The following SPG11 variants were observed in gnomAD, a reference collection of about 807,000 sequenced individuals.
SPG11 encodes SPG11 vesicle trafficking associated, spatacsin, also known as spatacsin.
SPG11 carries 222 observed loss-of-function variants against 274.0 expected under a neutral mutation model. The ratio of observed to expected loss-of-function variants is 0.81; its 90% CI spans 0.73 to 0.91. The LOEUF (loss-of-function observed/expected upper bound fraction) is 0.91. Ranked by LOEUF, SPG11 falls within the 40% of genes least tolerant of loss-of-function variation. The pLI is 0.00. For missense variants in SPG11, 3,114 were observed against 2,872.7 expected (o/e 1.08, Z -1.92); for synonymous variants, 1,144 against 1,039.7 (o/e 1.10, Z -1.93).
At chr15:44,566,603 T>C (rs2082313832) in intron 36 of SPG11, among the ~76,000 whole-genome samples, 1 of 152,162 alleles carries the variant, frequency 6.6e-6, no homozygotes, top group African/African-American at 2.4e-5. Flanking sequence ...ATATATAGGC[T>C]ATAGATCCAA....
At chr15:44,623,038 C>G (rs917447249) in intron 11 of SPG11, among the ~76,000 whole-genome samples, 1 of 152,090 alleles carries the variant, frequency 6.6e-6, no homozygotes, top group African/African-American at 2.4e-5. Flanking sequence ...AGCCTCGACC[C>G]CCAGGCTCAA....
intron 28 of SPG11, 133 bp from the exon 29 acceptor site, chr15:44,585,983 GTTTTTTTT>G (rs71111868): frequency 2.4e-5 from 8 of 337,768 alleles, no homozygotes; most frequent in Admixed American, 4.6e-5. Flanking sequence ...ATAAAAAGCT[GTTTTTTTT>G]TTTTTTTTTT....
At chr15:44,571,344 T>C (rs980603718) in intron 33 of SPG11, among the ~76,000 whole-genome samples, 3 of 152,282 alleles carry the variant, frequency 2.0e-5, no homozygotes, top group African/African-American at 7.2e-5. Context: ...TGGCTCTTAC[T>C]GTGTATTAAG....
chr15:44,575,252 A>G, intron 30 of SPG11: 1 of 576,208 alleles, frequency 1.7e-6, no homozygotes, highest in Non-Finnish European at 3.1e-6. Flanking sequence ...CAAAGACCTC[A>G]TATGCTACAA....
In SPG11 at chr15:44,608,611, T is replaced by TA. The variant is rs753333408; in HGVS notation, c.3292-7dup. The TA allele has an allele frequency of 2.5e-6, 4 of 1,613,276 alleles. No homozygotes were observed. The highest frequency in any genetic ancestry group is 3.4e-6 in the Non-Finnish European group (4 of 1,179,674). ...TTTTCTTCATTCTGAACAACCTAAG[T>TA]AAAAAAACAGATAACAGGTTGGACA... On this transcript the variant is annotated splice_polypyrimidine_tract_variant and splice_region_variant and intron_variant, in intron 18 of 39. Transcript: ENST00000261866.
At position 44,659,369 on chromosome 15, in the gene SPG11, T is replaced by C. The variant is rs2085037022; in HGVS notation, c.443-66A>G. 5.8e-6 allele frequency: 8 copies of C among 1,382,660 alleles called. No homozygotes were observed. In the East Asian group the frequency reaches 9.2e-5, roughly 16 times the overall value. 85.6% of individuals were successfully genotyped at this position (1,382,660 alleles called of 1,614,324 possible). On this transcript the variant is annotated intron_variant, in intron 2 of 39. Coordinates refer to ENST00000261866, the MANE Select transcript of SPG11 (RefSeq NM_025137.4). Reference sequence around the variant, plus strand: ...AATTTTACAACTGGTACATTTGATTTGATAAACCTAATACAAAAAAGTAAA... The same window carrying C: ...AATTTTACAACTGGTACATTTGATTCGATAAACCTAATACAAAAAAGTAAA...
chr15:44,604,883 G>A (rs756760699), intron 20 of SPG11, among the ~76,000 whole-genome samples: 14 of 123,420 alleles, frequency 1.1e-4, no homozygotes, highest in African/African-American at 2.5e-4. Flanking sequence ...AGCCGAGATC[G>A]AGATCGTGCC....
intron 27 of SPG11, 136 bp downstream of exon 27, chr15:44,592,195 G>C: frequency 4.4e-6 from 3 of 687,986 alleles, no homozygotes; most frequent in Non-Finnish European, 8.0e-6. Context: ...GGAGTTCAAG[G>C]CTGTAGTGAG....
intron 36 of SPG11, among the ~76,000 whole-genome samples, chr15:44,567,167 T>A (rs1218066157): frequency 6.6e-6 from 1 of 151,728 alleles, no homozygotes; most frequent in Non-Finnish European, 1.5e-5. Flanking sequence ...CTGGCCAACA[T>A]AGTCAAACCC....
At chr15:44,624,861 A>C (rs2083853440) in intron 11 of SPG11, among the ~76,000 whole-genome samples, 1 of 152,114 alleles carries the variant, frequency 6.6e-6, no homozygotes, top group Non-Finnish European at 1.5e-5. Flanking sequence ...CAGGCCAGGC[A>C]CGGTGGCTCA....
Position 44,662,913 on chromosome 15 carries a change from G to A in SPG11, c.257+478C>T, listed in dbSNP as rs114788942. 4.3e-3 allele frequency among the ~76,000 whole-genome samples: 652 copies of A among 152,294 alleles called. 5 individuals are homozygous for A. Among genetic ancestry groups the A allele is most frequent in the African/African-American group, 0.015 (632 of 41,560 alleles). On this transcript the variant is annotated intron_variant, in intron 1 of 39. Coordinates refer to ENST00000261866, the MANE Select transcript of SPG11 (RefSeq NM_025137.4). ...TAAATGAAGGGACAAACTGGACTCT[G>A]TCCTTGAAGAAGAGGACTACATGTG...
In SPG11 at chr15:44,660,572, T is replaced by A. The variant is rs775361528; in HGVS notation, c.302A>T (p.Lys101Met). The A allele has an allele frequency of 8.1e-6, 13 of 1,614,084 alleles. No individual in the cohort carries two copies. The East Asian group carries it at 2.7e-4, about 33-fold the overall frequency. Reference protein sequence around the residue: ...DSRNSSTPTEKPKLLALGENY... With the variant: ...DSRNSSTPTEMPKLLALGENY... ...TTCACCAAGAGCGAGCAGTTTGGGC[T>A]TTTCAGTTGGTGTGCTGCTGTTACG... The change falls in exon 2 of 40, where the codon AAG (lysine) becomes ATG (methionine). Residue 101 changes from lysine to methionine, a missense_variant. By Grantham distance (95) the Lys-to-Met change is moderately conservative (BLOSUM62 -1). Coordinates refer to ENST00000261866, the MANE Select transcript of SPG11 (RefSeq NM_025137.4).
intron 20 of SPG11, among the ~76,000 whole-genome samples, chr15:44,602,182 T>C (rs2083209465): frequency 6.6e-6 from 1 of 152,208 alleles, no homozygotes; most frequent in East Asian, 1.9e-4. Context: ...ACTTCACTTC[T>C]TTCTTTCTGA....
rs1357287118 is a variant in SPG11, at chr15:44,563,098, A to AGTTTT, written c.*22_*23insAAAAC. ...TGTCAGAATCTGCTAACAGTACAAG[A>AGTTTT]AAACAGACACCTATGAAATCATCTA... On this transcript the variant is annotated 3_prime_UTR_variant, in exon 40 of 40. Coordinates refer to ENST00000261866, the MANE Select transcript of SPG11 (RefSeq NM_025137.4). 2 of 1,612,362 alleles carry AGTTTT rather than the reference A, an allele frequency of 1.2e-6. No individual in the cohort carries two copies. The highest frequency in any genetic ancestry group is 2.7e-5 in the African/African-American group (2 of 74,910).
chr15:44,656,389 A>G (rs2084940293), intron 4 of SPG11, among the ~76,000 whole-genome samples: 1 of 152,266 alleles, frequency 6.6e-6, no homozygotes, highest in South Asian at 2.1e-4. Context: ...ATCACAGGGC[A>G]GGAGCAAGAG....
intron 27 of SPG11, among the ~76,000 whole-genome samples, chr15:44,591,850 C>T (rs1377012634): frequency 3.3e-5 from 5 of 152,110 alleles, no homozygotes; most frequent in Admixed American, 3.3e-4. Flanking sequence ...TGGCTTACGC[C>T]TGTAATCCCA....
intron 28 of SPG11, among the ~76,000 whole-genome samples, chr15:44,588,888 C>T (rs1258609441): frequency 6.6e-6 from 1 of 152,148 alleles, no homozygotes; most frequent in Non-Finnish European, 1.5e-5. Flanking sequence ...CAGAGCAGAG[C>T]CCCTTAGCTG....
chr15:44,636,932 A>C (rs1417115160), intron 7 of SPG11, among the ~76,000 whole-genome samples: 3 of 120,544 alleles, frequency 2.5e-5, no homozygotes, highest in Non-Finnish European at 3.5e-5. Flanking sequence ...TCTCAAAAAA[A>C]AAAAAAAAAA....
At chr15:44,603,099 G>A (rs577283915) in intron 20 of SPG11, among the ~76,000 whole-genome samples, 1 of 145,746 alleles carries the variant, frequency 6.9e-6, no homozygotes, top group South Asian at 2.1e-4. Flanking sequence ...CTGTTGCCCA[G>A]GCTGGAGTGC....
Sources: allele counts gnomAD v4.1 joint callset (sites outside exome capture counted in the v4.1 genomes callset), GRCh38; gene constraint gnomAD v4.1.1; transcripts MANE v1.5; gene names NCBI Gene and HGNC (gene_info 2026-07-23, HGNC 2026-07-21).